Variants in DMD observed in about 807,000 individuals in gnomAD.
DMD encodes mutant dystrophin.
A neutral mutation model predicts 330.1 loss-of-function variants in DMD; 63 were observed. That is an observed-to-expected ratio of 0.19 (90% CI 0.16 to 0.24). The LOEUF is 0.24. Ranked by LOEUF, DMD falls within the 10% of genes least tolerant of loss-of-function variation. DMD has a pLI of 1.00. For synonymous variants in DMD, 1,223 were observed against 959.8 expected (o/e 1.27, Z -5.07); for missense variants, 3,344 against 2,684.1 (o/e 1.25, Z -5.43).
chrX:31,874,052 A>C (rs2093932011), intron 48 of DMD, among the ~76,000 whole-genome samples: 1 of 111,821 alleles, frequency 8.9e-6, no homozygotes, highest in African/African-American at 3.3e-5. Flanking sequence ...ATTTAAGTGT[A>C]AATCAACATA....
At chrX:32,914,996 G>T (rs1026317306) in intron 2 of DMD, among the ~76,000 whole-genome samples, 7 of 111,271 alleles carry the variant, frequency 6.3e-5, no homozygotes, top group Non-Finnish European at 1.1e-4. Flanking sequence ...AGTGTAGACA[G>T]AATTCAAATC....
chrX:32,714,439 C>CAGAAAAA (rs2065482716), intron 7 of DMD, among the ~76,000 whole-genome samples: 1 of 111,653 alleles, frequency 9.0e-6, no homozygotes, highest in South Asian at 3.7e-4. Flanking sequence ...CTGTTTCTGA[C>CAGAAAAA]TTATTTCACT....
chrX:31,798,809 G>A (rs2091941360), intron 50 of DMD, among the ~76,000 whole-genome samples: 1 of 111,981 alleles, frequency 8.9e-6, no homozygotes, highest in Non-Finnish European at 1.9e-5. Context: ...AAGTAAGAGA[G>A]TGAGAGGGTT....
At chrX:32,547,057 AT>A (rs1438901387) in intron 16 of DMD, among the ~76,000 whole-genome samples, 244 of 109,195 alleles carry the variant, frequency 2.2e-3, no homozygotes, top group African/African-American at 7.9e-3. Flanking sequence ...AAGATAATTT[AT>A]TTTTTTATTT....
At chrX:32,468,032 C>T (rs2040227473) in intron 23 of DMD, among the ~76,000 whole-genome samples, 1 of 109,802 alleles carries the variant, frequency 9.1e-6, no homozygotes, top group South Asian at 3.8e-4. Context: ...TTGACTCCTA[C>T]TTTTTATAAG....
chrX:32,013,884 T>C (rs2095737646), intron 44 of DMD, among the ~76,000 whole-genome samples: 1 of 112,321 alleles, frequency 8.9e-6, no homozygotes, highest in Non-Finnish European at 1.9e-5. Flanking sequence ...AAGGAATACA[T>C]TTATTTCTCA....
At chrX:31,346,432 A>G (rs1336370095) in intron 61 of DMD, among the ~76,000 whole-genome samples, 1 of 111,826 alleles carries the variant, frequency 8.9e-6, no homozygotes, top group Non-Finnish European at 1.9e-5. Context: ...GAAATACATC[A>G]GAATGCTAAC....
chrX:31,479,112 T>C lies in DMD; in HGVS notation c.8548-9A>G. 1 of 1,211,026 alleles carries C rather than the reference T, an allele frequency of 8.3e-7. No homozygotes were observed. Among genetic ancestry groups the C allele is most frequent in the Non-Finnish European group, 1.1e-6 (1 of 894,861 alleles). ...AATTCCCTCTTGAAGGCCTGTGAAA[T>C]GAGATGAAAAGAAGTGCTTATTTGG... On this transcript the variant is annotated splice_polypyrimidine_tract_variant and intron_variant, in intron 57 of 78. Transcript: ENST00000357033.
At chrX:32,369,772 TTTA>T (rs2097866651) in intron 34 of DMD, among the ~76,000 whole-genome samples, 1 of 111,201 alleles carries the variant, frequency 9.0e-6, no homozygotes, top group Non-Finnish European at 1.9e-5. Flanking sequence ...TTAAACAAAT[TTTA>T]TTATCTTAAG....
chrX:31,701,612 G>T (rs1003287554), intron 52 of DMD, among the ~76,000 whole-genome samples: 1 of 111,505 alleles, frequency 9.0e-6, no homozygotes, highest in African/African-American at 3.3e-5. Flanking sequence ...ATTTTAAGAA[G>T]AAAACAACCA....
intron 9 of DMD, among the ~76,000 whole-genome samples, chrX:32,645,663 G>GA (rs993990901): frequency 6.3e-5 from 7 of 110,732 alleles, no homozygotes; most frequent in African/African-American, 2.0e-4. Context: ...AATTTAGAAA[G>GA]AAAAAAAATA....
At chrX:31,168,343 T>C (rs1273125020) in intron 74 of DMD, among the ~76,000 whole-genome samples, 1 of 111,412 alleles carries the variant, frequency 9.0e-6, no homozygotes, top group Non-Finnish European at 1.9e-5. Context: ...AATGCCATGA[T>C]GGGTCTTGGT....
intron 44 of DMD, among the ~76,000 whole-genome samples, chrX:32,184,151 T>G (rs1018549883): frequency 1.1e-5 from 1 of 89,547 alleles, no homozygotes; most frequent in African/African-American, 4.0e-5. Flanking sequence ...TTAAACAGTA[T>G]GTATACACAA....
At chrX:31,920,239 T>G (rs2094670617) in intron 47 of DMD, among the ~76,000 whole-genome samples, 1 of 112,332 alleles carries the variant, frequency 8.9e-6, no homozygotes, top group South Asian at 3.6e-4. Flanking sequence ...GAAAAGTTCA[T>G]TTTTGGTATG....
intron 1 of DMD, among the ~76,000 whole-genome samples, chrX:33,094,341 G>C (rs2095125905): frequency 9.0e-6 from 1 of 111,366 alleles, no homozygotes; most frequent in African/African-American, 3.3e-5. Context: ...AGAAAGACAA[G>C]GCAATAGTTT....
intron 74 of DMD, 148 bp from the exon 75 acceptor site, chrX:31,147,666 C>T (rs1257083458): frequency 2.2e-6 from 1 of 458,329 alleles, no homozygotes; most frequent in Non-Finnish European, 3.7e-6. Flanking sequence ...GCAAAAGAGG[C>T]ACTAATGAAT....
At chrX:31,856,436 ATTGT>A (rs1451565016) in intron 48 of DMD, among the ~76,000 whole-genome samples, 2 of 111,645 alleles carry the variant, frequency 1.8e-5, no homozygotes, top group African/African-American at 3.3e-5. Flanking sequence ...GGGCACATTG[ATTGT>A]TTGGTTTCTA....
chrX:33,017,579 G>A (rs1252606259), intron 2 of DMD, among the ~76,000 whole-genome samples: 1 of 111,051 alleles, frequency 9.0e-6, no homozygotes, highest in African/African-American at 3.3e-5. Context: ...AGTTAGCATA[G>A]ATTTAATGAT....
At chrX:33,245,914 T>C (rs942233248) in intron 1 of DMD, among the ~76,000 whole-genome samples, 1 of 111,968 alleles carries the variant, frequency 8.9e-6, no homozygotes, top group Admixed American at 9.5e-5. Context: ...CTTCTGTAAC[T>C]AGGAACACTA....
Sources: allele counts gnomAD v4.1 joint callset (sites outside exome capture counted in the v4.1 genomes callset), GRCh38; gene constraint gnomAD v4.1.1; transcripts MANE v1.5; gene names NCBI Gene and HGNC (gene_info 2026-07-23, HGNC 2026-07-21).